The following CNTN3 variants were observed in gnomAD, a reference collection of about 807,000 sequenced individuals.
The protein encoded by CNTN3 is contactin 3, also known as contactin-3.
A neutral mutation model predicts 119.1 loss-of-function variants in CNTN3; 60 were observed. The ratio of observed to expected loss-of-function variants is 0.50; its 90% CI spans 0.41 to 0.62. The LOEUF (loss-of-function observed/expected upper bound fraction) is 0.62, where lower values mean the gene tolerates loss of function less well. Ranked by LOEUF, CNTN3 falls within the 20% of genes least tolerant of loss-of-function variation. The pLI is 0.00. For synonymous variants in CNTN3, 450 were observed against 438.7 expected (o/e 1.03, Z -0.32); for missense variants, 1,101 against 1,242.4 (o/e 0.89, Z 1.71).
intron 4 of CNTN3, among the ~76,000 whole-genome samples, chr3:74,449,410 A>C (rs1702106668): frequency 6.6e-6 from 1 of 152,072 alleles, no homozygotes; most frequent in African/African-American, 2.4e-5. Flanking sequence ...GAATCAAAAA[A>C]AATGGCAATT....
Position 74,264,515 on chromosome 3 carries a change from T to C in CNTN3, c.2987-14A>G, listed in dbSNP as rs1393847052. Reference sequence around the variant, plus strand: ...TTGCATCCATACCTGTCAAAGTTGATGAAGAGCTCATTAATAAGGATTGTA... The same window carrying C: ...TTGCATCCATACCTGTCAAAGTTGACGAAGAGCTCATTAATAAGGATTGTA... On this transcript the variant is annotated splice_polypyrimidine_tract_variant and intron_variant, in intron 22 of 22. Coordinates refer to ENST00000263665, the MANE Select transcript of CNTN3 (RefSeq NM_020872.3). 2 of 1,539,540 alleles carry C rather than the reference T, an allele frequency of 1.3e-6. No homozygotes were observed. Among genetic ancestry groups the C allele is most frequent in the South Asian group, 1.1e-5 (1 of 88,932 alleles).
At chr3:74,537,561 G>A (rs2107143221) in intron 1 of CNTN3, among the ~76,000 whole-genome samples, 1 of 152,254 alleles carries the variant, frequency 6.6e-6, no homozygotes, top group Admixed American at 6.5e-5. Flanking sequence ...CTTTGCCTCG[G>A]TTGTTGTTTA....
chr3:74,605,358 A>G (rs909178660), intron 1 of CNTN3, among the ~76,000 whole-genome samples: 1 of 152,136 alleles, frequency 6.6e-6, no homozygotes, highest in African/African-American at 2.4e-5. Context: ...TCATTCTACA[A>G]TGTGTACATA....
chr3:74,486,578 A>G lies in CNTN3; in HGVS notation c.236T>C (p.Leu79Ser). 1 of 1,608,876 alleles carries G rather than the reference A, an allele frequency of 6.2e-7. No individual in the cohort carries two copies. Among genetic ancestry groups the G allele is most frequent in the Non-Finnish European group, 8.5e-7 (1 of 1,178,854 alleles). The part of the protein sequence containing the change: ...IDMSMEHRYK[L>S]NGGNLVVINP... ...AATAACCACAAGATTTCCTCCATTC[A>G]ACTTATAACGATGTTCCATACTCAT... is the stretch of plus-strand genomic sequence containing the variant. Residue 79 changes from leucine to serine, a missense_variant, in exon 4 of 23, where the codon TTG becomes TCG. Physicochemically the swap from Leu to Ser is moderately radical, Grantham distance 145. Coordinates refer to ENST00000263665, the MANE Select transcript of CNTN3 (RefSeq NM_020872.3).
intron 4 of CNTN3, among the ~76,000 whole-genome samples, chr3:74,436,201 A>G (rs1701863428): frequency 6.6e-6 from 1 of 152,172 alleles, no homozygotes; most frequent in African/African-American, 2.4e-5. Context: ...CTTTCAACTT[A>G]CATTTACTAA....
At position 74,489,936 on chromosome 3, in the gene CNTN3, AG is replaced by A. The variant is rs1702932220; in HGVS notation, c.183-3306del. 2.6e-5 allele frequency among the ~76,000 whole-genome samples: 4 copies of A among 152,258 alleles called. No individual in the cohort carries two copies. In the South Asian group the frequency reaches 8.3e-4, roughly 32 times the overall value. ...GGGCAAATATCATGGTTAGTATGGG[AG>A]GAGGTCCCATCAAAGGCTGCAAACC... On this transcript the variant is annotated intron_variant, in intron 3 of 22. Transcript: ENST00000263665.
chr3:74,545,546 C>A (rs931518923), intron 1 of CNTN3, among the ~76,000 whole-genome samples: 7 of 152,080 alleles, frequency 4.6e-5, no homozygotes, highest in East Asian at 1.9e-4. Flanking sequence ...TTTATATAAT[C>A]CCAGTTCAAG....
intron 12 of CNTN3, among the ~76,000 whole-genome samples, chr3:74,335,472 C>T (rs72894324): frequency 0.034 from 5,208 of 152,216 alleles, 282 homozygotes; most frequent in African/African-American, 0.12. Flanking sequence ...TCACCACCTC[C>T]TTCCATTTGT....
intron 6 of CNTN3, among the ~76,000 whole-genome samples, chr3:74,370,925 C>A (rs1704319965): frequency 6.6e-6 from 1 of 152,022 alleles, no homozygotes; most frequent in African/African-American, 2.4e-5. Flanking sequence ...CCATTGCTGT[C>A]TTAAAATTCT....
chr3:74,329,867 TA>T (rs1363873920), intron 13 of CNTN3, among the ~76,000 whole-genome samples: 1 of 152,110 alleles, frequency 6.6e-6, no homozygotes, highest in Non-Finnish European at 1.5e-5. Context: ...ATATGTGAAA[TA>T]GTGTACACAT....
rs1458105381 is a variant in CNTN3, at chr3:74,298,040, G to A, written c.2318C>T (p.Pro773Leu). ...ATAAACACCCACTTTAACTTCATAT[G>A]GTGAATATGGCACGATGCTTTCATT... ...FRNESIVPYS[P>L]YEVKVGVYNN... The change falls in exon 18 of 23, where the codon CCA becomes CTA. Residue 773 changes from proline to leucine, a missense_variant. By Grantham distance (98) the Pro-to-Leu change is moderately conservative. Transcript: ENST00000263665. The A allele has an allele frequency of 6.2e-7, 1 of 1,614,014 alleles. No homozygotes were observed. The highest frequency in any genetic ancestry group is 1.1e-5 in the South Asian group (1 of 91,072).
chr3:74,528,455 C>T (rs1559646920), intron 1 of CNTN3, among the ~76,000 whole-genome samples: 2 of 151,852 alleles, frequency 1.3e-5, no homozygotes, highest in Non-Finnish European at 2.9e-5. Flanking sequence ...AGTGGCAACT[C>T]TAAGAATCAA....
At chr3:74,424,701 C>T (rs1459431303) in intron 5 of CNTN3, 144 bp downstream of exon 5, 2 of 716,834 alleles carry the variant, frequency 2.8e-6, no homozygotes, top group African/African-American at 1.8e-5. Context: ...TAGTGTTCCT[C>T]ATATTCCAAC....
chr3:74,443,358 T>C (rs562346503), intron 4 of CNTN3, among the ~76,000 whole-genome samples: 1 of 152,262 alleles, frequency 6.6e-6, no homozygotes, highest in South Asian at 2.1e-4. Context: ...ACATGCTGCT[T>C]ATGCACAAAT....
At chr3:74,603,762 A>G (rs1704949174) in intron 1 of CNTN3, among the ~76,000 whole-genome samples, 1 of 152,168 alleles carries the variant, frequency 6.6e-6, no homozygotes. Flanking sequence ...CTACAGATTC[A>G]GTGCAAGTCC....
At chr3:74,549,584 G>A (rs1180391049) in intron 1 of CNTN3, among the ~76,000 whole-genome samples, 15 of 152,018 alleles carry the variant, frequency 9.9e-5, no homozygotes, top group Non-Finnish European at 2.1e-4. Flanking sequence ...GTGATCTGGG[G>A]CTTGTTGGGA....
intron 4 of CNTN3, among the ~76,000 whole-genome samples, chr3:74,480,001 T>C (rs1220468990): frequency 1.3e-5 from 2 of 151,990 alleles, no homozygotes; most frequent in Non-Finnish European, 1.5e-5. Flanking sequence ...AGGAAAAATA[T>C]TCAGAATTAT....
chr3:74,361,797 T>A, intron 11 of CNTN3, 93 bp downstream of exon 11: 10 of 1,285,430 alleles, frequency 7.8e-6, no homozygotes, highest in African/African-American at 1.5e-5. Context: ...ACTGAAATGC[T>A]ATTTTGTTTC....
chr3:74,450,152 T>A (rs571874067), intron 4 of CNTN3, among the ~76,000 whole-genome samples: 1 of 152,148 alleles, frequency 6.6e-6, no homozygotes, highest in South Asian at 2.1e-4. Context: ...GGTAGCTATA[T>A]TTCTTTAGTA....
Sources: allele counts gnomAD v4.1 joint callset (sites outside exome capture counted in the v4.1 genomes callset), GRCh38; gene constraint gnomAD v4.1.1; transcripts MANE v1.5; gene names NCBI Gene and HGNC (gene_info 2026-07-23, HGNC 2026-07-21).